Variants in C9 observed in about 807,000 individuals in gnomAD.
C9 encodes the protein complement component C9.
In C9, 63 loss-of-function variants were observed where a neutral mutation model predicts 65.4. The observed-to-expected ratio is 0.96, with a 90% CI of 0.79 to 1.19. The LOEUF (loss-of-function observed/expected upper bound fraction) is 1.19. Among genes scored for constraint, C9 ranks in the 50% most tolerant of loss-of-function variants. C9 has a pLI of 0.00. For synonymous variants in C9, 229 were observed against 227.9 expected (o/e 1.00, Z -0.04); for missense variants, 744 against 670.1 (o/e 1.11, Z -1.22).
At chr5:39,308,731 A>C (rs539605991) in intron 7 of C9, among the ~76,000 whole-genome samples, 1 of 152,282 alleles carries the variant, frequency 6.6e-6, no homozygotes, top group South Asian at 2.1e-4. Context: ...TGTGTGCTTT[A>C]ACTAATTTAA....
intron 4 of C9, among the ~76,000 whole-genome samples, chr5:39,340,021 G>A (rs1302036230): frequency 2.0e-5 from 3 of 152,066 alleles, no homozygotes; most frequent in Admixed American, 6.6e-5. Flanking sequence ...CCTTCTACCA[G>A]CCTTGCTCTT....
intron 9 of C9, among the ~76,000 whole-genome samples, chr5:39,293,910 A>C (rs1410528835): frequency 1.3e-5 from 2 of 152,026 alleles, no homozygotes; most frequent in Non-Finnish European, 2.9e-5. Flanking sequence ...GAAACTTTGG[A>C]AACTGTACAA....
At chr5:39,335,204 A>G (rs1753940086) in intron 4 of C9, among the ~76,000 whole-genome samples, 1 of 152,212 alleles carries the variant, frequency 6.6e-6, no homozygotes, top group African/African-American at 2.4e-5. Flanking sequence ...TTCAGTGAAC[A>G]ATGAAATCAA....
chr5:39,316,056 A>G (rs748222991), intron 5 of C9, 27 bp from the exon 6 acceptor site: 2 of 1,592,166 alleles, frequency 1.3e-6, no homozygotes, highest in South Asian at 1.1e-5. Context: ...AAGTGTTGTT[A>G]AAAACAAGAT....
intron 6 of C9, among the ~76,000 whole-genome samples, chr5:39,312,306 C>A (rs563017755): frequency 1.3e-5 from 2 of 152,176 alleles, no homozygotes; most frequent in African/African-American, 2.4e-5. Context: ...TGAAATTATA[C>A]CTCACTAAGT....
intron 7 of C9, among the ~76,000 whole-genome samples, chr5:39,310,287 C>T (rs757610834): frequency 3.0e-4 from 45 of 152,212 alleles, no homozygotes; most frequent in Admixed American, 1.6e-3. Flanking sequence ...TTTTTAGCAA[C>T]GCTTTCCTCC....
chr5:39,334,386 G>A lies in C9; in HGVS notation c.477-2572C>T, dbSNP rs376847015. Among the ~76,000 whole-genome samples the A allele has an allele frequency of 5.2e-3, 765 of 146,600 alleles. 22 individuals carry two copies. Among genetic ancestry groups the A allele is most frequent in the African/African-American group, 0.017 (657 of 38,640 alleles). On this transcript the variant is annotated intron_variant, in intron 4 of 10. Coordinates refer to ENST00000263408, the MANE Select transcript of C9 (RefSeq NM_001737.5). The stretch of plus-strand genomic sequence containing the variant: ...AGACCCTCTGCCTGGCAACCGCCCC[G>A]TCTGAGAAGTGAGGAGCCCCTCCGC...
intron 9 of C9, among the ~76,000 whole-genome samples, chr5:39,303,042 G>A (rs2111868613): frequency 6.6e-6 from 1 of 152,254 alleles, no homozygotes; most frequent in South Asian, 2.1e-4. Context: ...AGCCAATATT[G>A]TAGCTGTACT....
chr5:39,309,543 G>A (rs80345038), intron 7 of C9, among the ~76,000 whole-genome samples: 1,782 of 152,196 alleles, frequency 0.012, 40 homozygotes, highest in African/African-American at 0.041. Context: ...CTAGAAATCC[G>A]TAATTCTAGA....
chr5:39,294,865 G>C (rs1753156142), intron 9 of C9, among the ~76,000 whole-genome samples: 1 of 151,668 alleles, frequency 6.6e-6, no homozygotes, highest in Non-Finnish European at 1.5e-5. Flanking sequence ...AGATAATACA[G>C]CATGATCAAG....
intron 5 of C9, among the ~76,000 whole-genome samples, chr5:39,317,514 T>G (rs1753589069): frequency 6.6e-6 from 1 of 152,236 alleles, no homozygotes; most frequent in Admixed American, 6.5e-5. Flanking sequence ...TGAGTTAATT[T>G]TTGTATAACA....
intron 4 of C9, among the ~76,000 whole-genome samples, chr5:39,335,111 G>C (rs971523052): frequency 2.0e-5 from 3 of 152,050 alleles, no homozygotes; most frequent in Non-Finnish European, 4.4e-5. Flanking sequence ...TCTTAAACAA[G>C]ATCTCAGCTA....
intron 9 of C9, among the ~76,000 whole-genome samples, chr5:39,302,962 C>G (rs1310447374): frequency 1.3e-5 from 2 of 152,048 alleles, no homozygotes; most frequent in Middle Eastern, 3.2e-3. Flanking sequence ...TACATAACAA[C>G]CTTTTAGTAA....
At chr5:39,296,088 A>G (rs1170282258) in intron 9 of C9, among the ~76,000 whole-genome samples, 2 of 151,734 alleles carry the variant, frequency 1.3e-5, no homozygotes, top group African/African-American at 2.4e-5. Flanking sequence ...GGAAGAAAAC[A>G]TAAGGGAAAT....
At chr5:39,361,514 A>T (rs1232491126) in intron 1 of C9, among the ~76,000 whole-genome samples, 4 of 152,226 alleles carry the variant, frequency 2.6e-5, no homozygotes, top group Non-Finnish European at 5.9e-5. Flanking sequence ...TGTGCTAAGC[A>T]TGTTGTCTTT....
chr5:39,322,411 A>G (rs931613440), intron 5 of C9, among the ~76,000 whole-genome samples: 1 of 152,058 alleles, frequency 6.6e-6, no homozygotes. Flanking sequence ...CTATTGTTAC[A>G]TCTTAAGGAA....
At chr5:39,300,770 T>C (rs957743757) in intron 9 of C9, among the ~76,000 whole-genome samples, 2 of 152,138 alleles carry the variant, frequency 1.3e-5, no homozygotes, top group East Asian at 1.9e-4. Flanking sequence ...AAATGTAGTG[T>C]AGAGTTATAG....
chr5:39,328,114 G>A (rs1211352971), intron 5 of C9, among the ~76,000 whole-genome samples: 5 of 152,218 alleles, frequency 3.3e-5, no homozygotes, highest in Non-Finnish European at 5.9e-5. Context: ...GTCTAGCAAT[G>A]TACTTGGAGT....
At chr5:39,296,552 C>G (rs1390432225) in intron 9 of C9, among the ~76,000 whole-genome samples, 5 of 151,476 alleles carry the variant, frequency 3.3e-5, no homozygotes, top group African/African-American at 1.2e-4. Flanking sequence ...CTTTTGAAAA[C>G]TATAAACACA....
Sources: allele counts gnomAD v4.1 joint callset (sites outside exome capture counted in the v4.1 genomes callset), GRCh38; gene constraint gnomAD v4.1.1; transcripts MANE v1.5; gene names NCBI Gene and HGNC (gene_info 2026-07-23, HGNC 2026-07-21).